RNF144A: variants seen among roughly 807,000 people sequenced by gnomAD.
RNF144A encodes E3 ubiquitin-protein ligase RNF144A.
Under a neutral mutation model 38.7 loss-of-function variants are expected in RNF144A, and 11 were observed. The ratio of observed to expected loss-of-function variants is 0.28; its 90% CI spans 0.18 to 0.47. The LOEUF (loss-of-function observed/expected upper bound fraction) is 0.47. Ranked by LOEUF, RNF144A falls within the 20% of genes least tolerant of loss-of-function variation. The pLI is 0.99. For missense variants in RNF144A, 316 were observed against 377.2 expected, an observed-to-expected ratio of 0.84 and a Z score of 1.34; for synonymous variants, 149 against 143.9, an observed-to-expected ratio of 1.04 and a Z score of -0.25.
intron 2 of RNF144A, among the ~76,000 whole-genome samples, chr2:6,989,345 A>G (rs1305914961): frequency 1.3e-5 from 2 of 152,196 alleles, no homozygotes; most frequent in Non-Finnish European, 2.9e-5. Flanking sequence ...CCCACTGTCT[A>G]CCATCCCTTT....
intron 5 of RNF144A, 123 bp downstream of exon 5, chr2:7,014,895 A>T: frequency 1.4e-6 from 1 of 700,906 alleles, no homozygotes; most frequent in Non-Finnish European, 2.5e-6. Context: ...AAGTTGATGT[A>T]AAATAAACTT....
chr2:7,064,280 G>T (rs1449595395), intron 6 of RNF144A, among the ~76,000 whole-genome samples: 1 of 152,104 alleles, frequency 6.6e-6, no homozygotes, highest in Admixed American at 6.5e-5. Flanking sequence ...AGTCTAGGAG[G>T]CAGGATTTGC....
chr2:7,020,725 C>T, intron 6 of RNF144A, 45 bp downstream of exon 6: 1 of 1,548,604 alleles, frequency 6.5e-7, no homozygotes, highest in Non-Finnish European at 8.8e-7. Context: ...GGCTGTGGGC[C>T]AGGAGAAGCA....
chr2:7,055,861 C>G (rs1163883012), intron 6 of RNF144A, among the ~76,000 whole-genome samples: 1 of 152,124 alleles, frequency 6.6e-6, no homozygotes, highest in African/African-American at 2.4e-5. Flanking sequence ...CTAGGACTTT[C>G]CTCAGAGCAA....
intron 2 of RNF144A, among the ~76,000 whole-genome samples, chr2:6,959,744 A>G (rs1426729000): frequency 6.6e-6 from 1 of 152,200 alleles, no homozygotes; most frequent in Non-Finnish European, 1.5e-5. Context: ...TAATCCGGTC[A>G]TGAGGGCAGA....
At chr2:7,027,070 G>A (rs529487061) in intron 7 of RNF144A, among the ~76,000 whole-genome samples, 1 of 152,346 alleles carries the variant, frequency 6.6e-6, no homozygotes, top group African/African-American at 2.4e-5. Context: ...AGCACTCAGA[G>A]GAGAGAGGAG....
downstream of RNF144A, among the ~76,000 whole-genome samples, chr2:7,070,726 A>G (rs1368341235): frequency 6.6e-6 from 1 of 152,156 alleles, no homozygotes; most frequent in African/African-American, 2.4e-5. Context: ...AGCACGCCAT[A>G]CGATGGAGGA....
intron 2 of RNF144A, among the ~76,000 whole-genome samples, chr2:6,973,919 A>G (rs1004418265): frequency 6.6e-6 from 1 of 152,206 alleles, no homozygotes. Context: ...AATATTTTCC[A>G]TCTTGCTCTT....
At chr2:7,028,322 C>T (rs1344041013) in intron 7 of RNF144A, among the ~76,000 whole-genome samples, 1 of 152,216 alleles carries the variant, frequency 6.6e-6, no homozygotes, top group Admixed American at 6.5e-5. Context: ...ACGACGGCCC[C>T]TGTGTACCAG....
intron 2 of RNF144A, among the ~76,000 whole-genome samples, chr2:6,989,248 A>G (rs147627389): frequency 6.2e-4 from 94 of 152,324 alleles, no homozygotes; most frequent in African/African-American, 2.1e-3. Context: ...TAGGCTAAAC[A>G]TGGGTTCCTA....
At chr2:6,928,506 A>G (rs1665015383) in intron 1 of RNF144A, among the ~76,000 whole-genome samples, 1 of 152,134 alleles carries the variant, frequency 6.6e-6, no homozygotes, top group African/African-American at 2.4e-5. Flanking sequence ...TGCACATCCT[A>G]CATCTGCACC....
chr2:6,952,728 A>G (rs1666766596), intron 2 of RNF144A, among the ~76,000 whole-genome samples: 1 of 151,936 alleles, frequency 6.6e-6, no homozygotes, highest in South Asian at 2.1e-4. Context: ...ACACACATAT[A>G]TATGTTTTAG....
intron 5 of RNF144A, among the ~76,000 whole-genome samples, 190 bp from the exon 6 acceptor site, chr2:7,020,283 G>A (rs988471586): frequency 1.3e-5 from 2 of 152,120 alleles, no homozygotes; most frequent in African/African-American, 4.8e-5. Context: ...GAAGGGAGAA[G>A]TTGGGAAGAG....
At chr2:6,922,005 C>T (rs559900807) in intron 1 of RNF144A, among the ~76,000 whole-genome samples, 1 of 152,302 alleles carries the variant, frequency 6.6e-6, no homozygotes, top group South Asian at 2.1e-4. Flanking sequence ...TGTAATACAG[C>T]CGCTTTCATT....
At chr2:6,926,281 G>C (rs1664860265) in intron 1 of RNF144A, among the ~76,000 whole-genome samples, 1 of 152,222 alleles carries the variant, frequency 6.6e-6, no homozygotes, top group Non-Finnish European at 1.5e-5. Flanking sequence ...CCAAAAGTTT[G>C]GTGGCTGACT....
chr2:6,982,170 G>A (rs1668673188), intron 2 of RNF144A, among the ~76,000 whole-genome samples: 2 of 152,162 alleles, frequency 1.3e-5, no homozygotes, highest in South Asian at 2.1e-4. Context: ...TTTGGGTGGG[G>A]ACACAGAGCC....
At chr2:7,047,145 T>A (rs1396916049), downstream of RNF144A, among the ~76,000 whole-genome samples, 1 of 152,210 alleles carries the variant, frequency 6.6e-6, no homozygotes, top group Non-Finnish European at 1.5e-5. Flanking sequence ...TGCCTGCTGT[T>A]ATTGGACACA....
chr2:6,925,094 G>T (rs1664776399), intron 1 of RNF144A, among the ~76,000 whole-genome samples: 2 of 152,222 alleles, frequency 1.3e-5, no homozygotes, highest in African/African-American at 4.8e-5. Flanking sequence ...TAGGGCAGTG[G>T]CATCCAAAGA....
chr2:7,055,955 A>G (rs1430956591), intron 6 of RNF144A, among the ~76,000 whole-genome samples: 1 of 152,060 alleles, frequency 6.6e-6, no homozygotes, highest in Non-Finnish European at 1.5e-5. Flanking sequence ...TCTGTAACCT[A>G]CTGACGTCTA....
Sources: allele counts gnomAD v4.1 joint callset (sites outside exome capture counted in the v4.1 genomes callset), GRCh38; gene constraint gnomAD v4.1.1; transcripts MANE v1.5; gene names NCBI Gene and HGNC (gene_info 2026-07-23, HGNC 2026-07-21).